Variants in ASIC2 observed in about 807,000 individuals in gnomAD.
ASIC2 encodes the protein acid-sensing ion channel 2.
Under a neutral mutation model 57.3 loss-of-function variants are expected in ASIC2, and 25 were observed. The observed-to-expected ratio is 0.44, with a 90% CI of 0.32 to 0.61. The LOEUF (loss-of-function observed/expected upper bound fraction) is 0.61. Among genes scored for constraint, ASIC2 ranks in the 20% least tolerant of loss-of-function variants. The probability of loss-of-function intolerance (pLI) is 0.06; values close to 1 mark genes in which losing one functional copy is unlikely to be tolerated. For missense variants in ASIC2, 641 were observed against 738.1 expected (o/e 0.87, Z 1.52); for synonymous variants, 319 against 307.5 (o/e 1.04, Z -0.39).
At chr17:33,637,480 T>C (rs1306408770) in intron 1 of ASIC2, among the ~76,000 whole-genome samples, 1 of 152,156 alleles carries the variant, frequency 6.6e-6, no homozygotes, top group Non-Finnish European at 1.5e-5. Context: ...TAAATACATT[T>C]TTGTTGGGGA....
intron 1 of ASIC2, among the ~76,000 whole-genome samples, chr17:33,668,141 A>C (rs894716559): frequency 3.3e-5 from 5 of 152,160 alleles, no homozygotes; most frequent in African/African-American, 1.2e-4. Context: ...GCCTGCCCAC[A>C]TACCTCTCTG....
At chr17:33,513,851 G>C (rs1268160459) in intron 1 of ASIC2, among the ~76,000 whole-genome samples, 2 of 152,220 alleles carry the variant, frequency 1.3e-5, no homozygotes, top group African/African-American at 4.8e-5. Flanking sequence ...CATCTGCTCA[G>C]GGCTGTTTGG....
chr17:33,859,691 T>C (rs1254383331), intron 1 of ASIC2, among the ~76,000 whole-genome samples: 2 of 152,094 alleles, frequency 1.3e-5, no homozygotes, highest in African/African-American at 4.8e-5. Flanking sequence ...CTTATTTTAT[T>C]TGGTTATTGT....
intron 1 of ASIC2, among the ~76,000 whole-genome samples, chr17:33,628,379 C>T (rs1266774871): frequency 2.6e-5 from 4 of 152,004 alleles, no homozygotes; most frequent in Non-Finnish European, 4.4e-5. Context: ...GCAACCTCGA[C>T]CTCCTTGGCT....
chr17:33,075,008 C>T (rs577140934), intron 3 of ASIC2, among the ~76,000 whole-genome samples: 1 of 152,290 alleles, frequency 6.6e-6, no homozygotes, highest in East Asian at 1.9e-4. Flanking sequence ...AGTGAGGTCA[C>T]CTCCACTGCC....
At chr17:34,112,007 T>A (rs915106066) in intron 1 of ASIC2, among the ~76,000 whole-genome samples, 1 of 152,098 alleles carries the variant, frequency 6.6e-6, no homozygotes. Context: ...ATGGAAAAAA[T>A]TCTCATGGGA....
chr17:33,083,744 C>G (rs2092123229), intron 3 of ASIC2, among the ~76,000 whole-genome samples: 1 of 152,150 alleles, frequency 6.6e-6, no homozygotes, highest in Admixed American at 6.5e-5. Flanking sequence ...CCATCCTAGT[C>G]AACCACAGGC....
intron 1 of ASIC2, among the ~76,000 whole-genome samples, chr17:33,267,724 C>A (rs1458586421): frequency 6.6e-6 from 1 of 152,134 alleles, no homozygotes; most frequent in Non-Finnish European, 1.5e-5. Flanking sequence ...AGGCATCTTG[C>A]AGGAGGTAGG....
At chr17:33,369,848 T>C (rs750269648) in intron 1 of ASIC2, among the ~76,000 whole-genome samples, 24 of 152,210 alleles carry the variant, frequency 1.6e-4, no homozygotes, top group Non-Finnish European at 2.8e-4. Flanking sequence ...TTCGAGAGCA[T>C]ATTCTTAGTA....
At chr17:34,016,269 A>G (rs1188510091) in intron 1 of ASIC2, among the ~76,000 whole-genome samples, 1 of 151,930 alleles carries the variant, frequency 6.6e-6, no homozygotes, top group Non-Finnish European at 1.5e-5. Context: ...CTAAAAACAC[A>G]AAAAATTGGC....
chr17:34,101,184 C>T (rs10438807), intron 1 of ASIC2, among the ~76,000 whole-genome samples: 6,863 of 152,226 alleles, frequency 0.045, 469 homozygotes, highest in African/African-American at 0.15. Context: ...ATCTATTCCT[C>T]GACTCTGTAA....
intron 1 of ASIC2, among the ~76,000 whole-genome samples, chr17:33,114,553 C>T (rs923356730): frequency 6.6e-6 from 1 of 152,234 alleles, no homozygotes; most frequent in Non-Finnish European, 1.5e-5. Flanking sequence ...AATTCCAACT[C>T]CTTCACCTTT....
intron 1 of ASIC2, among the ~76,000 whole-genome samples, chr17:33,853,723 C>T (rs1913838754): frequency 1.3e-5 from 2 of 152,222 alleles, no homozygotes; most frequent in African/African-American, 2.4e-5. Flanking sequence ...GGGCAGAACT[C>T]ACCCACATTT....
intron 1 of ASIC2, among the ~76,000 whole-genome samples, chr17:33,370,519 T>G (rs1478952199): frequency 6.6e-6 from 1 of 152,182 alleles, no homozygotes; most frequent in Non-Finnish European, 1.5e-5. Context: ...GTCTGGTTCT[T>G]TAGCAGTCAA....
chr17:33,826,526 T>C (rs919520785), intron 1 of ASIC2, among the ~76,000 whole-genome samples: 17 of 152,226 alleles, frequency 1.1e-4, no homozygotes, highest in African/African-American at 3.6e-4. Context: ...TGGAGGAACG[T>C]TGGCGATCAC....
At chr17:33,539,565 A>G (rs1915341425) in intron 1 of ASIC2, among the ~76,000 whole-genome samples, 1 of 152,240 alleles carries the variant, frequency 6.6e-6, no homozygotes, top group Admixed American at 6.5e-5. Flanking sequence ...AATGCCTTGT[A>G]GAAGTGCAAC....
At chr17:34,023,066 C>A (rs1475071168) in intron 1 of ASIC2, among the ~76,000 whole-genome samples, 2 of 152,144 alleles carry the variant, frequency 1.3e-5, no homozygotes, top group Non-Finnish European at 2.9e-5. Context: ...AGGACTCATC[C>A]ACCATGCTTC....
chr17:33,033,817 T>G (rs533312025), intron 3 of ASIC2, among the ~76,000 whole-genome samples: 10 of 152,034 alleles, frequency 6.6e-5, no homozygotes, highest in African/African-American at 2.4e-4. Flanking sequence ...CACCCATGGG[T>G]GCCCATGCAT....
At chr17:33,674,861 TGAG>T (rs1567685812) in intron 1 of ASIC2, among the ~76,000 whole-genome samples, 3 of 152,214 alleles carry the variant, frequency 2.0e-5, no homozygotes, top group African/African-American at 7.2e-5. Context: ...ATTTGTGGTC[TGAG>T]CCCAGAAATT....
Sources: gnomAD v4.1 joint callset for allele counts (sites outside exome capture counted in the v4.1 genomes callset) on GRCh38, gnomAD v4.1.1 for gene constraint, MANE v1.5 for transcripts, NCBI Gene and HGNC (gene_info 2026-07-23, HGNC 2026-07-21) for gene names.